Variants in FASTKD1 observed in about 807,000 individuals in gnomAD.
The protein encoded by FASTKD1 is FAST kinase domain-containing protein 1, mitochondrial.
Under a neutral mutation model 90.9 loss-of-function variants are expected in FASTKD1, and 94 were observed. The observed-to-expected ratio is 1.03, with a 90% CI of 0.88 to 1.23. The LOEUF is 1.23. Ranked by LOEUF, FASTKD1 falls within the 50% of genes most tolerant of loss-of-function variation. The probability of loss-of-function intolerance (pLI) is 0.00; values close to 1 mark genes in which losing one functional copy is unlikely to be tolerated. For synonymous variants in FASTKD1, 319 were observed against 345.8 expected (o/e 0.92, Z 0.86); for missense variants, 945 against 993.5 (o/e 0.95, Z 0.66).
intron 12 of FASTKD1, among the ~76,000 whole-genome samples, chr2:169,535,855 T>C (rs1348709201): frequency 6.6e-6 from 1 of 152,248 alleles, no homozygotes; most frequent in African/African-American, 2.4e-5. Flanking sequence ...ATTTTTACCA[T>C]TTTGTTCATC....
intron 1 of FASTKD1, chr2:169,573,282 C>G (rs1427344925): frequency 6.6e-6 from 1 of 152,292 alleles, no homozygotes; most frequent in Non-Finnish European, 1.5e-5. Context: ...GGTCACAAAC[C>G]TGCACAAGAA....
At chr2:169,530,451 T>A in intron 14 of FASTKD1, 136 bp downstream of exon 14, 1 of 593,956 alleles carries the variant, frequency 1.7e-6, no homozygotes. Context: ...AGCTATTGTA[T>A]CTGGCCTGTT....
At chr2:169,557,374 G>T in intron 5 of FASTKD1, 77 bp from the exon 6 acceptor site, 1 of 671,346 alleles carries the variant, frequency 1.5e-6, no homozygotes, top group South Asian at 1.8e-5. Context: ...AACAGTTCTT[G>T]GGTAACAAAT....
At position 169,562,109 on chromosome 2, in the gene FASTKD1, A is replaced by T. The variant is rs891232385; in HGVS notation, c.572+1116T>A. ...TTAATTTATTGTAAAATAATTATTTATTAATTTATTGTAAATTAATTATTT... is the reference window on the plus strand; with the variant it reads ...TTAATTTATTGTAAAATAATTATTTTTTAATTTATTGTAAATTAATTATTT... On this transcript the variant is annotated intron_variant, in intron 4 of 14. Coordinates refer to ENST00000453153, the MANE Select transcript of FASTKD1 (RefSeq NM_024622.6). Among the ~76,000 whole-genome samples, 2 of 120,128 alleles carry T rather than the reference A, an allele frequency of 1.7e-5. 1 individual carries two copies. The highest frequency in any genetic ancestry group is 1.7e-4 in the Admixed American group (2 of 12,118). 78.8% of individuals were successfully genotyped at this position (120,128 alleles called of 152,430 possible). A position where few individuals can be genotyped will look rare whatever the true frequency, so the allele number is the denominator to read the frequency against.
chr2:169,556,448 C>CA (rs1183409632), intron 6 of FASTKD1, among the ~76,000 whole-genome samples: 1,603 of 120,672 alleles, frequency 0.013, 27 homozygotes, highest in African/African-American at 0.038. Flanking sequence ...AAAAAAAAAA[C>CA]AAAAAAAAAA....
At chr2:169,558,103 C>A (rs894444586) in intron 5 of FASTKD1, among the ~76,000 whole-genome samples, 9 of 152,180 alleles carry the variant, frequency 5.9e-5, no homozygotes, top group Non-Finnish European at 1.3e-4. Flanking sequence ...TATGTTGTTA[C>A]AGTATTTACA....
At chr2:169,531,546 G>C (rs1470350387) in intron 12 of FASTKD1, 56 bp from the exon 13 acceptor site, 1 of 1,387,524 alleles carries the variant, frequency 7.2e-7, no homozygotes, top group Admixed American at 2.3e-5. Context: ...ACAGATAAAA[G>C]TTTAAGATAT....
At chr2:169,538,636 T>C (rs577925312) in intron 10 of FASTKD1, among the ~76,000 whole-genome samples, 55 of 140,354 alleles carry the variant, frequency 3.9e-4, no homozygotes, top group African/African-American at 1.4e-3. Flanking sequence ...GATCATGCCA[T>C]TGCACTCCAG....
intron 4 of FASTKD1, among the ~76,000 whole-genome samples, chr2:169,561,286 GA>G (rs879933309): frequency 4.6e-4 from 63 of 136,134 alleles, no homozygotes; most frequent in Middle Eastern, 3.7e-3. Context: ...CATCTCAAAA[GA>G]AAAAAAAAAA....
chr2:169,554,063 C>T (rs1685622051), intron 7 of FASTKD1, among the ~76,000 whole-genome samples: 1 of 151,214 alleles, frequency 6.6e-6, no homozygotes, highest in Non-Finnish European at 1.5e-5. Flanking sequence ...TATGATCATG[C>T]CACTGCACTC....
Position 169,530,697 on chromosome 2 carries a change from C to T in FASTKD1, c.2332G>A (p.Ala778Thr). 6.5e-7 allele frequency: 1 copy of T among 1,546,140 alleles called. No homozygotes were observed. Among genetic ancestry groups the T allele is most frequent in the Non-Finnish European group, 8.9e-7 (1 of 1,129,534 alleles). ...GCTTTTGAATCCAAAAATTCCAAAG[C>T]AATCCTACATAAAATAAAAAAATAT... Reference protein sequence around the residue: ...SRLPPGAERIALEFLDSKALC... With the variant: ...SRLPPGAERITLEFLDSKALC... The change falls in exon 14 of 15, where the codon GCT (alanine) becomes ACT (threonine). Residue 778 changes from alanine to threonine, a missense_variant. Coordinates refer to ENST00000453153, the MANE Select transcript of FASTKD1 (RefSeq NM_024622.6).
chr2:169,562,059 TAA>T lies in FASTKD1; in HGVS notation c.572+1164_572+1165del, dbSNP rs1683706991. ...AATTTATTGTAAATTAATTATTTAT[TAA>T]TTTATTGTAAAATAATTATTTATTA... On this transcript the variant is annotated intron_variant, in intron 4 of 14. Coordinates refer to ENST00000453153, the MANE Select transcript of FASTKD1 (RefSeq NM_024622.6). 1.5e-5 allele frequency among the ~76,000 whole-genome samples: 2 copies of T among 131,504 alleles called. 1 individual carries two copies. The highest frequency in any genetic ancestry group is 3.2e-5 in the Non-Finnish European group (2 of 62,752). 86.3% of individuals were successfully genotyped at this position (131,504 alleles called of 152,430 possible).
intron 12 of FASTKD1, among the ~76,000 whole-genome samples, chr2:169,534,106 G>A (rs1684612123): frequency 6.8e-6 from 1 of 146,824 alleles, no homozygotes; most frequent in Non-Finnish European, 1.5e-5. Flanking sequence ...TGGAGGCAGA[G>A]GTTGCAATGA....
intron 3 of FASTKD1, among the ~76,000 whole-genome samples, chr2:169,564,842 C>T (rs951892484): frequency 2.0e-5 from 3 of 151,656 alleles, no homozygotes; most frequent in Admixed American, 6.6e-5. Flanking sequence ...CTGTGCCTGG[C>T]TTATTTCACT....
chr2:169,553,762 A>C (rs1167288255), intron 7 of FASTKD1, among the ~76,000 whole-genome samples: 2 of 151,954 alleles, frequency 1.3e-5, no homozygotes, highest in African/African-American at 4.8e-5. Context: ...CTAAAAAAAA[A>C]ATACAAAAAA....
At chr2:169,551,656 G>A (rs954580733) in intron 7 of FASTKD1, among the ~76,000 whole-genome samples, 1 of 152,130 alleles carries the variant, frequency 6.6e-6, no homozygotes, top group Non-Finnish European at 1.5e-5. Flanking sequence ...AAGTAGCTGG[G>A]TGTGGTAGCA....
rs1685203191 is a variant in FASTKD1, at chr2:169,546,464, G to A, written c.1455C>T (p.His485=). 1 of 1,614,142 alleles carries A rather than the reference G, an allele frequency of 6.2e-7. No homozygotes were observed. The highest frequency in any genetic ancestry group is 8.5e-7 in the Non-Finnish European group (1 of 1,180,026). ...KQLKLLQKLD[H]YGRQRLQHSN... ...TGTGTTGTAGTCTCTGACGACCATA[G>A]TGATCTAATTTTTGAAGTAGTTTCA... The change falls in exon 8 of 15, where the codon CAC becomes CAT. Residue 485 remains histidine (H), a synonymous_variant. Transcript: ENST00000453153.
chr2:169,547,884 CAAAAAA>C (rs1158292826), intron 7 of FASTKD1, among the ~76,000 whole-genome samples: 14 of 21,340 alleles, frequency 6.6e-4, no homozygotes, highest in East Asian at 1.1e-3. Context: ...GACTCCATCT[CAAAAAA>C]AAAAAAAAAA....
Position 169,545,394 on chromosome 2 carries a change from T to C in FASTKD1, c.1702-559A>G, listed in dbSNP as rs867213905. 7.2e-5 allele frequency among the ~76,000 whole-genome samples: 11 copies of C among 152,274 alleles called. No homozygotes were observed. The Middle Eastern group carries it at 0.02, about 283-fold the overall frequency. On this transcript the variant is annotated intron_variant, in intron 8 of 14. Coordinates refer to ENST00000453153, the MANE Select transcript of FASTKD1 (RefSeq NM_024622.6). ...CATTTATTTTTCTTTCATTTGCTTT[T>C]TTATTTCATTTTTCACTCATTCATC...
Sources: allele counts gnomAD v4.1 joint callset (sites outside exome capture counted in the v4.1 genomes callset), GRCh38; gene constraint gnomAD v4.1.1; transcripts MANE v1.5; gene names NCBI Gene and HGNC (gene_info 2026-07-23, HGNC 2026-07-21).